Variants in MTSS1 observed in about 807,000 individuals in gnomAD.
MTSS1 encodes the protein protein MTSS 1.
Under a neutral mutation model 79.0 loss-of-function variants are expected in MTSS1, and 18 were observed. The observed-to-expected ratio is 0.23, with a 90% CI of 0.16 to 0.34. The LOEUF (loss-of-function observed/expected upper bound fraction) is 0.34. Among genes scored for constraint, MTSS1 ranks in the 10% least tolerant of loss-of-function variants. The probability of loss-of-function intolerance (pLI) is 1.00; values close to 1 mark genes in which losing one functional copy is unlikely to be tolerated. For synonymous variants in MTSS1, 341 were observed against 368.6 expected, an observed-to-expected ratio of 0.93 and a Z score of 0.86; for missense variants, 815 against 986.2, an observed-to-expected ratio of 0.83 and a Z score of 2.33.
chr8:124,660,432 G>GCACACACACACACA (rs5894719), intron 3 of MTSS1, among the ~76,000 whole-genome samples: 3 of 140,798 alleles, frequency 2.1e-5, no homozygotes, highest in South Asian at 2.5e-4. Flanking sequence ...CCATGCGCAT[G>GCACACACACACACA]CACACACACA....
chr8:124,721,859 C>T (rs1038790520), intron 1 of MTSS1, among the ~76,000 whole-genome samples: 9 of 152,182 alleles, frequency 5.9e-5, no homozygotes, highest in African/African-American at 2.2e-4. Context: ...TCCCAGGGAA[C>T]CCAATGGACC....
At chr8:124,626,424 C>T (rs1332082441) in intron 3 of MTSS1, among the ~76,000 whole-genome samples, 1 of 152,020 alleles carries the variant, frequency 6.6e-6, no homozygotes, top group Non-Finnish European at 1.5e-5. Flanking sequence ...ATAGCTTGAG[C>T]CCAGGAGTTC....
intron 10 of MTSS1, 125 bp from the exon 11 acceptor site, chr8:124,558,000 A>C: frequency 1.1e-5 from 8 of 722,864 alleles, no homozygotes; most frequent in African/African-American, 3.6e-5. Flanking sequence ...AATAAAACAA[A>C]CATTGGGGCT....
intron 3 of MTSS1, 132 bp from the exon 4 acceptor site, chr8:124,591,367 C>T (rs760986240): frequency 3.5e-5 from 25 of 714,990 alleles, no homozygotes; most frequent in Non-Finnish European, 5.8e-5. Flanking sequence ...AGAAGCTTCT[C>T]ACCATGCCCA....
intron 3 of MTSS1, among the ~76,000 whole-genome samples, chr8:124,612,916 A>T (rs1489308303): frequency 6.6e-6 from 1 of 152,172 alleles, no homozygotes; most frequent in Non-Finnish European, 1.5e-5. Context: ...AAACAAGTGG[A>T]CAAATTCCGT....
At chr8:124,579,488 T>A (rs1175114454) in intron 6 of MTSS1, 1 of 152,246 alleles carries the variant, frequency 6.6e-6, no homozygotes, top group African/African-American at 2.4e-5. Context: ...CTGAAACTTA[T>A]ACTTCAGAAC....
chr8:124,672,910 CA>C (rs1217571423), intron 3 of MTSS1, among the ~76,000 whole-genome samples: 2 of 151,782 alleles, frequency 1.3e-5, no homozygotes, highest in Non-Finnish European at 2.9e-5. Flanking sequence ...CACATGCACA[CA>C]TATATATGGA....
intron 3 of MTSS1, among the ~76,000 whole-genome samples, chr8:124,695,994 A>AT (rs1217037304): frequency 2.7e-5 from 4 of 149,202 alleles, no homozygotes; most frequent in Non-Finnish European, 3.0e-5. Context: ...ATTTATTTCA[A>AT]TTTTTTTTTT....
At chr8:124,594,205 A>C (rs964837523) in intron 3 of MTSS1, among the ~76,000 whole-genome samples, 1 of 152,146 alleles carries the variant, frequency 6.6e-6, no homozygotes, top group African/African-American at 2.4e-5. Flanking sequence ...CTGGTCACTT[A>C]TTATCCCCAG....
intron 4 of MTSS1, among the ~76,000 whole-genome samples, chr8:124,590,703 C>T (rs1255449223): frequency 2.0e-5 from 3 of 152,196 alleles, no homozygotes; most frequent in African/African-American, 7.2e-5. Flanking sequence ...TTCTGGATGC[C>T]TGGAAGCCAG....
intron 3 of MTSS1, among the ~76,000 whole-genome samples, chr8:124,639,478 AT>A (rs539181674): frequency 1.3e-5 from 2 of 150,470 alleles, no homozygotes; most frequent in African/African-American, 2.5e-5. Context: ...CCTTACTTAG[AT>A]TTTTTTTTTC....
chr8:124,661,678 G>T (rs58439099), intron 3 of MTSS1, among the ~76,000 whole-genome samples: 1 of 152,088 alleles, frequency 6.6e-6, no homozygotes, highest in South Asian at 2.1e-4. Flanking sequence ...TCAGCCACCC[G>T]CTACAAACAC....
Position 124,704,110 on chromosome 8 carries a change from G to A in MTSS1, c.134+20C>T. 1.2e-6 allele frequency: 2 copies of A among 1,611,902 alleles called. No individual in the cohort carries two copies. Among genetic ancestry groups the A allele is most frequent in the Non-Finnish European group, 1.7e-6 (2 of 1,178,292 alleles). On this transcript the variant is annotated intron_variant, in intron 2 of 13. Transcript: ENST00000518547. The stretch of plus-strand genomic sequence containing the variant: ...CTGAGGATGTTGTCCTTTTCCTGTA[G>A]AACATGTGCTTCTACTTACCGAAGC...
At chr8:124,714,153 G>A (rs1332664441) in intron 1 of MTSS1, among the ~76,000 whole-genome samples, 1 of 152,168 alleles carries the variant, frequency 6.6e-6, no homozygotes, top group African/African-American at 2.4e-5. Flanking sequence ...ACATTTGTAT[G>A]GCCAAGTTTT....
At chr8:124,649,939 A>G (rs541264238) in intron 3 of MTSS1, among the ~76,000 whole-genome samples, 77 of 151,934 alleles carry the variant, frequency 5.1e-4, no homozygotes, top group African/African-American at 1.8e-3. Context: ...CGAACATTGT[A>G]TCTTTCATCC....
At chr8:124,712,055 G>A (rs555331052) in intron 1 of MTSS1, among the ~76,000 whole-genome samples, 1 of 151,424 alleles carries the variant, frequency 6.6e-6, no homozygotes, top group African/African-American at 2.4e-5. Flanking sequence ...ACAAAGAGTG[G>A]GTAGAAAAAT....
At chr8:124,624,699 G>T (rs1022744711) in intron 3 of MTSS1, among the ~76,000 whole-genome samples, 12 of 152,190 alleles carry the variant, frequency 7.9e-5, no homozygotes, top group Admixed American at 7.9e-4. Context: ...TGCCAGCCAC[G>T]TTGATGGCGC....
At chr8:124,606,275 C>T (rs911861165) in intron 3 of MTSS1, among the ~76,000 whole-genome samples, 64 of 149,426 alleles carry the variant, frequency 4.3e-4, no homozygotes, top group African/African-American at 1.3e-3. Flanking sequence ...TGGGTTCAAG[C>T]GATTCTGGGA....
chr8:124,668,641 C>A (rs1346860026), intron 3 of MTSS1, among the ~76,000 whole-genome samples: 1 of 152,202 alleles, frequency 6.6e-6, no homozygotes, highest in African/African-American at 2.4e-5. Context: ...AAAATTCATA[C>A]CTCTGAACGG....
Sources: gnomAD v4.1 joint callset for allele counts (sites outside exome capture counted in the v4.1 genomes callset) on GRCh38, gnomAD v4.1.1 for gene constraint, MANE v1.5 for transcripts, NCBI Gene and HGNC (gene_info 2026-07-23, HGNC 2026-07-21) for gene names.